Variants in TONSL observed in about 807,000 individuals in gnomAD.
TONSL encodes the protein tonsoku like, DNA repair protein.
A neutral mutation model predicts 147.1 loss-of-function variants in TONSL; 112 were observed. The observed-to-expected ratio is 0.76, with a 90% CI of 0.65 to 0.89. The LOEUF (loss-of-function observed/expected upper bound fraction) is 0.89, where lower values mean the gene tolerates loss of function less well. Ranked by LOEUF, TONSL falls within the 40% of genes least tolerant of loss-of-function variation. The pLI is 0.00. For missense variants in TONSL, 1,883 were observed against 1,864.6 expected, an observed-to-expected ratio of 1.01 and a Z score of -0.18; for synonymous variants, 868 against 801.5, an observed-to-expected ratio of 1.08 and a Z score of -1.40.
At chr8:144,441,696 C>A (rs6988314) in intron 7 of TONSL, 1 of 290,172 alleles carries the variant, frequency 3.4e-6, no homozygotes, top group Non-Finnish European at 6.6e-6. Context: ...CTGGACCACG[C>A]GTGCCATCTC....
Position 144,430,387 on chromosome 8 carries a change from A to G in TONSL, c.3943+17T>C. Reference sequence around the variant, plus strand: ...AAGGCCGAACATGGCAGGCGTGGCCACCATACCAGCACTCACCTGACAGGC... The same window carrying G: ...AAGGCCGAACATGGCAGGCGTGGCCGCCATACCAGCACTCACCTGACAGGC... On this transcript the variant is annotated intron_variant, in intron 25 of 25. Transcript: ENST00000409379. 6.3e-7 allele frequency: 1 copy of G among 1,580,434 alleles called. No homozygotes were observed. Among genetic ancestry groups the G allele is most frequent in the Non-Finnish European group, 8.6e-7 (1 of 1,163,932 alleles).
chr8:144,430,488 G>A lies in TONSL; in HGVS notation c.3859C>T (p.Pro1287Ser), dbSNP rs140335247. ...SLISLDLSAN[P>S]EISCASLEEL... is the part of the protein sequence containing the mutation. ...TCCAAGCTGGCACAGCTGATCTCAG[G>A]GTTGGCAGACAGATCCAGTGAGATG... Residue 1287 changes from proline to serine, a missense_variant, in exon 25 of 26, where the codon CCT becomes TCT. By Grantham distance (74) the Pro-to-Ser change is moderately conservative (BLOSUM62 -1). Transcript: ENST00000409379. 1 of 1,613,486 alleles carries A rather than the reference G, an allele frequency of 6.2e-7. No individual in the cohort carries two copies. The highest frequency in any genetic ancestry group is 1.3e-5 in the African/African-American group (1 of 74,924).
At position 144,429,238 on chromosome 8, in the gene TONSL, C is replaced by A; in HGVS notation, c.4042G>T (p.Asp1348Tyr). The change falls in exon 26 of 26, where the codon GAC becomes TAC. Residue 1348 changes from aspartate to tyrosine, a missense_variant. By Grantham distance (160) the Asp-to-Tyr change is radical. Transcript: ENST00000409379. Reference protein sequence around the residue: ...QLCSRRLCAEDRDALRQLQPS... With the variant: ...QLCSRRLCAEYRDALRQLQPS... ...TGCAGCTGGCGCAGGGCGTCCCTGT[C>A]CTCAGCGCAGAGGCGTCTGCTGCAC... 3 of 1,535,150 alleles carry A rather than the reference C, an allele frequency of 2.0e-6. No homozygotes were observed. Among genetic ancestry groups the A allele is most frequent in the Non-Finnish European group, 2.6e-6 (3 of 1,143,878 alleles).
chr8:144,444,367 G>A (rs1184410263), intron 1 of TONSL, 23 bp downstream of exon 1: 22 of 1,282,770 alleles, frequency 1.7e-5, no homozygotes, highest in Non-Finnish European at 2.2e-5. Flanking sequence ...GCCCCCGGAG[G>A]AAGGGGTCCC....
chr8:144,440,917 C>T (rs1823693590), intron 8 of TONSL, 47 bp from the exon 9 acceptor site: 1 of 1,612,600 alleles, frequency 6.2e-7, no homozygotes, highest in African/African-American at 1.3e-5. Context: ...CTGGCCAGGC[C>T]TCGTCAACCT....
chr8:144,431,350 C>T (rs1554878613), intron 23 of TONSL, among the ~76,000 whole-genome samples, 199 bp from the exon 24 acceptor site: 1 of 152,136 alleles, frequency 6.6e-6, no homozygotes. Flanking sequence ...CCCAGTTGTG[C>T]CTGGAAGACC....
In TONSL at chr8:144,441,025, C is replaced by T. The variant is rs1386802462; in HGVS notation, c.952G>A (p.Gly318Arg). ...QGAMVICEQLGDLFSKAGDFP... is the reference protein window; with the variant it reads ...QGAMVICEQLRDLFSKAGDFP... ...TCTCCTGCCTTGGAGAAGAGGTCCC[C>T]TAGCTGCTCACAGATGACCATGGCA... The change falls in exon 8 of 26, where the codon GGG (glycine) becomes AGG (arginine). Residue 318 changes from glycine to arginine, a missense_variant. Coordinates refer to ENST00000409379, the MANE Select transcript of TONSL (RefSeq NM_013432.5). The T allele has an allele frequency of 6.2e-7, 1 of 1,613,136 alleles. No individual in the cohort carries two copies. Among genetic ancestry groups the T allele is most frequent in the South Asian group, 1.1e-5 (1 of 91,090 alleles).
At position 144,435,962 on chromosome 8, in the gene TONSL, A is replaced by C. The variant is rs1823435324; in HGVS notation, c.2471T>G (p.Leu824Arg). 6.4e-7 allele frequency: 1 copy of C among 1,558,658 alleles called. No individual in the cohort carries two copies. The highest frequency in any genetic ancestry group is 2.3e-5 in the East Asian group (1 of 43,998). Residue 824 changes from leucine to arginine, a missense_variant, in exon 17 of 26, where the codon CTC becomes CGC. Coordinates refer to ENST00000409379, the MANE Select transcript of TONSL (RefSeq NM_013432.5). Reference sequence around the variant, plus strand: ...GGCCAGGCACTCCTCCTCCGGGATGAGCGCTGCCTGGGGGGCAAGGGCTTT... The same window carrying C: ...GGCCAGGCACTCCTCCTCCGGGATGCGCGCTGCCTGGGGGGCAAGGGCTTT... Reference protein sequence around the residue: ...HSKALAPQAALIPEEECLAGD... With the variant: ...HSKALAPQAARIPEEECLAGD...
At position 144,440,406 on chromosome 8, in the gene TONSL, G is replaced by A. The variant is rs777939614; in HGVS notation, c.1235C>T (p.Pro412Leu). 1.5e-5 allele frequency: 24 copies of A among 1,607,956 alleles called. No individual in the cohort carries two copies. The Middle Eastern group carries it at 5.0e-4, about 33-fold the overall frequency. ...ACAGCTGAGCGCTTTCTGGAAGCAC[G>A]GGGCCAGCAGCTCGTAGGCATCGCC... ...EAGDAYELLAPCFQKALSCAQ... is the reference protein window; with the variant it reads ...EAGDAYELLALCFQKALSCAQ... The change falls in exon 10 of 26, where the codon CCG becomes CTG. Residue 412 changes from proline to leucine, a missense_variant. By Grantham distance (98) the Pro-to-Leu change is moderately conservative (BLOSUM62 -3). Transcript: ENST00000409379.
chr8:144,440,619 C>T (rs763514652), intron 9 of TONSL, 99 bp downstream of exon 9: 163 of 1,532,464 alleles, frequency 1.1e-4, no homozygotes, highest in Middle Eastern at 5.2e-4. Flanking sequence ...AGGAGCTGCC[C>T]GTCCAGTAAG....
chr8:144,431,217 C>T, intron 23 of TONSL, 66 bp from the exon 24 acceptor site: 1 of 1,521,628 alleles, frequency 6.6e-7, no homozygotes, highest in Non-Finnish European at 9.1e-7. Context: ...TGCTTCCCAG[C>T]AGGTGCACCA....
chr8:144,441,094 GC>G lies in TONSL; in HGVS notation c.882del (p.Leu295CysfsTer23), dbSNP rs1378319694. On this transcript the variant is annotated frameshift_variant, in exon 8 of 26. Coordinates refer to ENST00000409379, the MANE Select transcript of TONSL (RefSeq NM_013432.5). LOFTEE classifies it high-confidence loss of function. ...TCAGCCTCTTCCAGCTGTTGCTGCAGCCGGACCACTGCCAGCACTGCCGGGA... is the reference window on the plus strand; with the variant it reads ...TCAGCCTCTTCCAGCTGTTGCTGCAGCGGACCACTGCCAGCACTGCCGGGA... ...QNLQHVLAVV[R>X]LQQQLEEAEG... The G allele has an allele frequency of 6.2e-7, 1 of 1,612,712 alleles. No individual in the cohort carries two copies. The highest frequency in any genetic ancestry group is 8.5e-7 in the Non-Finnish European group (1 of 1,179,984).
chr8:144,436,730 C>T (rs55665465), intron 15 of TONSL, 27 bp downstream of exon 15: 146,945 of 1,610,254 alleles, frequency 0.091, 8,005 homozygotes, highest in Admixed American at 0.17. Flanking sequence ...ATAACCTCGC[C>T]CTTGCCCTCT....
Position 144,438,744 on chromosome 8 carries a change from G to A in TONSL, c.1481-9C>T, listed in dbSNP as rs1586692518. The A allele has an allele frequency of 6.2e-7, 1 of 1,612,672 alleles. No individual in the cohort carries two copies. Among genetic ancestry groups the A allele is most frequent in the East Asian group, 2.2e-5 (1 of 44,852 alleles). On this transcript the variant is annotated splice_polypyrimidine_tract_variant and intron_variant, in intron 11 of 25. Coordinates refer to ENST00000409379, the MANE Select transcript of TONSL (RefSeq NM_013432.5). The stretch of plus-strand genomic sequence containing the variant: ...GCCATCGGTGTCGTCCTCTGGAACA[G>A]AGCCAAGCCCACCCCAGGGGAGTCC...
chr8:144,429,074 C>A lies in TONSL; in HGVS notation c.*69G>T, dbSNP rs1310045405. 4.2e-6 allele frequency: 6 copies of A among 1,440,106 alleles called. No homozygotes were observed. Among genetic ancestry groups the A allele is most frequent in the Non-Finnish European group, 5.5e-6 (6 of 1,098,032 alleles). 89.2% of individuals were successfully genotyped at this position (1,440,106 alleles called of 1,614,324 possible). A position where few individuals can be genotyped will look rare whatever the true frequency, so the allele number is the denominator to read the frequency against. ...AAAGTGTTGGGATTACAGGCGTGAG[C>A]CACCGCGCCCGGCCAGCAGCTTCAT... On this transcript the variant is annotated 3_prime_UTR_variant, in exon 26 of 26. Coordinates refer to ENST00000409379, the MANE Select transcript of TONSL (RefSeq NM_013432.5).
intron 2 of TONSL, 34 bp downstream of exon 2, chr8:144,444,146 G>C: frequency 7.2e-7 from 1 of 1,389,240 alleles, no homozygotes; most frequent in Non-Finnish European, 9.3e-7. Flanking sequence ...CCGGGCCCCG[G>C]CCCTGCCTCC....
At chr8:144,438,803 T>C in intron 11 of TONSL, 68 bp from the exon 12 acceptor site, 2 of 1,516,776 alleles carry the variant, frequency 1.3e-6, no homozygotes, top group Non-Finnish European at 1.8e-6. Context: ...CCCACCCTGC[T>C]GCAAGCTCCC....
At chr8:144,429,423 T>C (rs1823077897) in intron 25 of TONSL, 87 bp from the exon 26 acceptor site, 1 of 1,260,392 alleles carries the variant, frequency 7.9e-7, no homozygotes, top group Non-Finnish European at 1.0e-6. Context: ...ACAAACTCGC[T>C]TTCGCTGAGG....
In TONSL at chr8:144,436,292, G is replaced by A. The variant is rs7830832; in HGVS notation, c.2141C>T (p.Ala714Val). The A allele has an allele frequency of 0.46, 697,855 of 1,505,036 alleles. 164,240 individuals are homozygous for A. The highest frequency in any genetic ancestry group is 0.58 in the South Asian group (44,235 of 76,350). 93.2% of individuals were successfully genotyped at this position (1,505,036 alleles called of 1,614,324 possible). The change falls in exon 17 of 26, where the codon GCC becomes GTC. Residue 714 changes from alanine to valine, a missense_variant. By Grantham distance (64) the Ala-to-Val change is moderately conservative. Transcript: ENST00000409379. ...CTGCCCTGGGGAGACCCTGACATGG[G>A]CCTGAGAGGCCTCTGGGAGTCTAGT... ...NSTRLPEASQAHVRVSPGQAA... is the reference protein window; with the variant it reads ...NSTRLPEASQVHVRVSPGQAA...
Sources: allele counts gnomAD v4.1 joint callset (sites outside exome capture counted in the v4.1 genomes callset), GRCh38; gene constraint gnomAD v4.1.1; transcripts MANE v1.5; gene names NCBI Gene and HGNC (gene_info 2026-07-23, HGNC 2026-07-21).